Variants in KCNQ3 observed in about 807,000 individuals in gnomAD.
KCNQ3 encodes potassium voltage-gated channel subfamily Q member 3, also known as potassium voltage-gated channel subfamily KQT member 3.
A neutral mutation model predicts 92.5 loss-of-function variants in KCNQ3; 30 were observed. That is an observed-to-expected ratio of 0.32 (90% CI 0.24 to 0.44). The LOEUF is 0.44. Ranked by LOEUF, KCNQ3 falls within the 20% of genes least tolerant of loss-of-function variation. The pLI, the probability that KCNQ3 is intolerant of heterozygous loss-of-function variation, is 1.00. For missense variants in KCNQ3, 913 were observed against 1,140.3 expected (o/e 0.80, Z 2.87); for synonymous variants, 450 against 468.8 (o/e 0.96, Z 0.52).
intron 1 of KCNQ3, among the ~76,000 whole-genome samples, chr8:132,386,598 A>G (rs1392225420): frequency 6.6e-6 from 1 of 152,186 alleles, no homozygotes; most frequent in Non-Finnish European, 1.5e-5. Context: ...CCATTAAGTA[A>G]GATATTTCCT....
chr8:132,378,223 G>A (rs771687604), intron 1 of KCNQ3, among the ~76,000 whole-genome samples: 3 of 151,912 alleles, frequency 2.0e-5, no homozygotes, highest in African/African-American at 7.3e-5. Flanking sequence ...GTGAAACCTC[G>A]TCCCTACTAA....
chr8:132,205,567 G>C (rs1221536710), intron 1 of KCNQ3, among the ~76,000 whole-genome samples: 1 of 152,234 alleles, frequency 6.6e-6, no homozygotes, highest in African/African-American at 2.4e-5. Context: ...GTGAGCTTCA[G>C]AACCAGATGC....
intron 1 of KCNQ3, among the ~76,000 whole-genome samples, chr8:132,411,474 G>A (rs1820650897): frequency 6.6e-6 from 1 of 152,160 alleles, no homozygotes; most frequent in Non-Finnish European, 1.5e-5. Context: ...CCTGGGTGTG[G>A]CAGCTTAAGA....
At position 132,133,264 on chromosome 8, in the gene KCNQ3, G is replaced by A. The variant is rs570987157; in HGVS notation, c.1800-1000C>T. On this transcript the variant is annotated intron_variant, in intron 13 of 14. Transcript: ENST00000388996. Reference sequence around the variant, plus strand: ...GGGCACGCATTCTCCAGGTGCCCACGGTCCCATCACTCCCTATTCTATCCC... The same window carrying A: ...GGGCACGCATTCTCCAGGTGCCCACAGTCCCATCACTCCCTATTCTATCCC... 4.5e-4 allele frequency among the ~76,000 whole-genome samples: 69 copies of A among 151,754 alleles called. 1 individual carries two copies. The highest frequency in any genetic ancestry group is 4.0e-3 in the South Asian group (19 of 4,796).
intron 1 of KCNQ3, among the ~76,000 whole-genome samples, chr8:132,251,888 G>A (rs745943738): frequency 1.1e-4 from 17 of 152,196 alleles, no homozygotes; most frequent in Non-Finnish European, 2.1e-4. Context: ...GATCTGAAGG[G>A]TTATCATCAC....
At chr8:132,479,521 A>G (rs182124724) in intron 1 of KCNQ3, among the ~76,000 whole-genome samples, 3 of 152,156 alleles carry the variant, frequency 2.0e-5, no homozygotes, top group Admixed American at 6.5e-5. Flanking sequence ...CTTCCCTAAA[A>G]GGAATCCTAG....
chr8:132,147,765 G>A (rs533214460), intron 9 of KCNQ3, among the ~76,000 whole-genome samples: 1 of 152,316 alleles, frequency 6.6e-6, no homozygotes, highest in South Asian at 2.1e-4. Context: ...TCTGTCTTGC[G>A]CCATTTTGAT....
At chr8:132,275,521 C>A in intron 1 of KCNQ3, among the ~76,000 whole-genome samples, 1 of 151,920 alleles carries the variant, frequency 6.6e-6, no homozygotes, top group African/African-American at 2.4e-5. Context: ...ATTTGCCCCA[C>A]CCTAGAGGCC....
At chr8:132,411,435 C>T (rs940493910) in intron 1 of KCNQ3, among the ~76,000 whole-genome samples, 2 of 152,094 alleles carry the variant, frequency 1.3e-5, no homozygotes, top group South Asian at 2.1e-4. Flanking sequence ...GCTGGAAAGC[C>T]TCTCTCAGCA....
At position 132,318,249 on chromosome 8, in the gene KCNQ3, A is replaced by G. The variant is rs78711255; in HGVS notation, c.387-132068T>C. Among the ~76,000 whole-genome samples the G allele has an allele frequency of 2.0e-4, 31 of 152,394 alleles. No homozygotes were observed. The East Asian group carries it at 5.6e-3, about 27-fold the overall frequency. ...TGGATTGAAGTGGAAAAGAAAATTG[A>G]TTTAATACATAAAGTAATTAATAGT... On this transcript the variant is annotated intron_variant, in intron 1 of 14. Coordinates refer to ENST00000388996, the MANE Select transcript of KCNQ3 (RefSeq NM_004519.4).
intron 1 of KCNQ3, among the ~76,000 whole-genome samples, chr8:132,390,312 GGA>G (rs1218092512): frequency 1.3e-5 from 2 of 152,152 alleles, no homozygotes; most frequent in Admixed American, 6.5e-5. Context: ...TGCTTTTGGG[GGA>G]GAGTCTGGGC....
At chr8:132,428,834 G>A (rs1821175060) in intron 1 of KCNQ3, among the ~76,000 whole-genome samples, 1 of 152,134 alleles carries the variant, frequency 6.6e-6, no homozygotes, top group African/African-American at 2.4e-5. Context: ...GGGGGAGGTT[G>A]ACATATGAAA....
chr8:132,398,673 C>G, intron 1 of KCNQ3, among the ~76,000 whole-genome samples: 1 of 151,976 alleles, frequency 6.6e-6, no homozygotes, highest in East Asian at 1.9e-4. Context: ...GAAAGACAGG[C>G]AGAAATTGGA....
intron 1 of KCNQ3, among the ~76,000 whole-genome samples, chr8:132,260,004 TTAAA>T (rs748737863): frequency 2.0e-5 from 3 of 152,138 alleles, no homozygotes; most frequent in South Asian, 2.1e-4. Flanking sequence ...TTTTAAAAAG[TTAAA>T]TAAATATTAA....
At position 132,385,095 on chromosome 8, in the gene KCNQ3, T is replaced by TTCCACATGTGG. The variant is rs546557925; in HGVS notation, c.386+95041_386+95051dup. ...ACTCCTCACCTAAGATCATGCCTCTTTCCACATGTGGTCCACAGCCAATGA... is the reference window on the plus strand; with the variant it reads ...ACTCCTCACCTAAGATCATGCCTCTTTCCACATGTGGTCCACATGTGGTCCACAGCCAATGA... On this transcript the variant is annotated intron_variant, in intron 1 of 14. Transcript: ENST00000388996. 4.1e-3 allele frequency among the ~76,000 whole-genome samples: 617 copies of TTCCACATGTGG among 152,318 alleles called. 4 individuals are homozygous for TTCCACATGTGG. The highest frequency in any genetic ancestry group is 0.013 in the African/African-American group (538 of 41,570).
At chr8:132,247,268 C>T (rs964779937) in intron 1 of KCNQ3, among the ~76,000 whole-genome samples, 1 of 152,134 alleles carries the variant, frequency 6.6e-6, no homozygotes, top group African/African-American at 2.4e-5. Flanking sequence ...TTTATCTGCA[C>T]AATGAAGCTA....
intron 4 of KCNQ3, 65 bp from the exon 5 acceptor site, chr8:132,175,673 C>A: frequency 1.3e-6 from 2 of 1,491,236 alleles, no homozygotes; most frequent in Non-Finnish European, 9.2e-7. Flanking sequence ...ATGCTGGAGC[C>A]AGACACACCA....
At chr8:132,193,467 G>A (rs1247959294) in intron 1 of KCNQ3, among the ~76,000 whole-genome samples, 1 of 152,182 alleles carries the variant, frequency 6.6e-6, no homozygotes, top group African/African-American at 2.4e-5. Flanking sequence ...TCAGGCAGCA[G>A]GCAAGGAAGG....
intron 1 of KCNQ3, among the ~76,000 whole-genome samples, chr8:132,264,361 A>G (rs1026163424): frequency 1.3e-5 from 2 of 152,144 alleles, no homozygotes; most frequent in Non-Finnish European, 2.9e-5. Context: ...ACCAGCCCCC[A>G]GCTATCAGGA....
Sources: allele counts gnomAD v4.1 joint callset (sites outside exome capture counted in the v4.1 genomes callset), GRCh38; gene constraint gnomAD v4.1.1; transcripts MANE v1.5; gene names NCBI Gene and HGNC (gene_info 2026-07-23, HGNC 2026-07-21).